SLC12A8: variants seen among roughly 807,000 people sequenced by gnomAD.
The protein encoded by SLC12A8 is solute carrier family 12 member 8.
In SLC12A8, 69 loss-of-function variants were observed where a neutral mutation model predicts 75.6. The observed-to-expected ratio is 0.91, with a 90% confidence interval of 0.75 to 1.11. The LOEUF is 1.11. Ranked by LOEUF, SLC12A8 falls within the 50% of genes most tolerant of loss-of-function variation. The probability of loss-of-function intolerance (pLI) is 0.00; values close to 1 mark genes in which losing one functional copy is unlikely to be tolerated. For missense variants in SLC12A8, 877 were observed against 896.7 expected (o/e 0.98, Z 0.28); for synonymous variants, 365 against 372.8 (o/e 0.98, Z 0.24).
At chr3:125,119,471 C>T (rs1388263396) in intron 7 of SLC12A8, among the ~76,000 whole-genome samples, 1 of 152,234 alleles carries the variant, frequency 6.6e-6, no homozygotes, top group African/African-American at 2.4e-5. Flanking sequence ...CCAAGATGCC[C>T]TGTAACCTTG....
Position 125,135,693 on chromosome 3 carries a change from CAA to C in SLC12A8, c.710_711del (p.Phe237TrpfsTer61). ...CCTGTAGCCGCTGGGAAGAAAACCC[CAA>C]AGACAGTGAAAAAAGATTCCCCCGG... ...YSPGESFFTV[F>X]GVFFPAATGV... On this transcript the variant is annotated frameshift_variant, in exon 6 of 14. Coordinates refer to ENST00000469902, the MANE Select transcript of SLC12A8 (RefSeq NM_024628.6). LOFTEE classifies it high-confidence loss of function. 6.2e-7 allele frequency: 1 copy of C among 1,608,394 alleles called. No individual in the cohort carries two copies. The highest frequency in any genetic ancestry group is 8.5e-7 in the Non-Finnish European group (1 of 1,176,446).
chr3:125,136,135 A>G (rs1354012540), intron 5 of SLC12A8, among the ~76,000 whole-genome samples: 1 of 152,122 alleles, frequency 6.6e-6, no homozygotes, highest in African/African-American at 2.4e-5. Context: ...AAATTAATCG[A>G]TATTTGCAAG....
intron 5 of SLC12A8, among the ~76,000 whole-genome samples, chr3:125,156,522 A>G (rs1178216488): frequency 6.6e-6 from 1 of 152,222 alleles, no homozygotes; most frequent in Non-Finnish European, 1.5e-5. Flanking sequence ...CAAAGTTCTC[A>G]TTGGTTAAAA....
chr3:125,092,059 C>G (rs764750459), intron 11 of SLC12A8, 42 bp downstream of exon 11: 12 of 1,445,086 alleles, frequency 8.3e-6, no homozygotes, highest in Non-Finnish European at 1.2e-5. Flanking sequence ...TCCACCTGAA[C>G]TCTGTCCCAA....
At chr3:125,118,891 G>A (rs947694497) in intron 7 of SLC12A8, 35 bp from the exon 8 acceptor site, 19 of 1,421,680 alleles carry the variant, frequency 1.3e-5, no homozygotes, top group South Asian at 2.3e-5. Context: ...AGCTGCCCCC[G>A]ACTCACCTCA....
intron 6 of SLC12A8, 83 bp from the exon 7 acceptor site, chr3:125,120,769 G>C: frequency 2.0e-6 from 2 of 1,023,058 alleles, no homozygotes; most frequent in South Asian, 1.3e-5. Context: ...CCTCTCCTGC[G>C]GGACCCTCTC....
chr3:125,140,922 A>G (rs1007942092), intron 5 of SLC12A8, among the ~76,000 whole-genome samples: 2 of 151,938 alleles, frequency 1.3e-5, no homozygotes, highest in African/African-American at 4.8e-5. Flanking sequence ...TTGACCTCAG[A>G]AGAGTCTCTT....
chr3:125,165,974 GT>G (rs1198648107), intron 5 of SLC12A8, among the ~76,000 whole-genome samples: 2 of 152,110 alleles, frequency 1.3e-5, no homozygotes, highest in Non-Finnish European at 2.9e-5. Flanking sequence ...TGTCAGAAAG[GT>G]TTTTTTAAAA....
rs199551430 is a variant in SLC12A8 at position 125,107,554 on chromosome 3, C to T, written c.1632G>A (p.Gly544=). 1 of 1,614,170 alleles carries T rather than the reference C, an allele frequency of 6.2e-7. No homozygotes were observed. Among genetic ancestry groups the T allele is most frequent in the African/African-American group, 1.3e-5 (1 of 75,036 alleles). The change falls in exon 10 of 14, where the codon GGG becomes GGA. Residue 544 remains glycine (G), a synonymous_variant. Transcript: ENST00000469902. The part of the protein sequence containing the change: ...CWNKQTSKSE[G]TQPEGTYGEQ... The stretch of plus-strand genomic sequence containing the variant: ...CTCCATATGTTCCCTCAGGCTGAGT[C>T]CCTTCGCTCTTGGAAGTCTGCTTGT...
chr3:125,191,835 AG>A (rs1481341925), intron 2 of SLC12A8, among the ~76,000 whole-genome samples: 2 of 152,214 alleles, frequency 1.3e-5, no homozygotes, highest in African/African-American at 4.8e-5. Flanking sequence ...CTGATGGGCC[AG>A]GGGACCCCTT....
At chr3:125,187,530 A>G (rs1934818800) in intron 3 of SLC12A8, 102 bp from the exon 4 acceptor site, 1 of 1,075,580 alleles carries the variant, frequency 9.3e-7, no homozygotes, top group Non-Finnish European at 1.4e-6. Flanking sequence ...CAGCACTGGA[A>G]TAGGGGCCAG....
At chr3:125,143,385 A>G (rs1263817313) in intron 5 of SLC12A8, among the ~76,000 whole-genome samples, 1 of 152,244 alleles carries the variant, frequency 6.6e-6, no homozygotes, top group Non-Finnish European at 1.5e-5. Flanking sequence ...GGAAGAGGAA[A>G]TAATGATAGG....
At chr3:125,166,539 T>G (rs1387346748) in intron 5 of SLC12A8, among the ~76,000 whole-genome samples, 1 of 152,188 alleles carries the variant, frequency 6.6e-6, no homozygotes, top group African/African-American at 2.4e-5. Context: ...GGCCTCTGCG[T>G]CCGTCTCCCT....
intron 4 of SLC12A8, among the ~76,000 whole-genome samples, chr3:125,178,425 A>G (rs1934584783): frequency 1.3e-5 from 2 of 152,140 alleles, no homozygotes; most frequent in Admixed American, 1.3e-4. Context: ...TATTTTTAAA[A>G]TTATCTAAAA....
At chr3:125,187,569 A>G (rs924820803) in intron 3 of SLC12A8, 141 bp from the exon 4 acceptor site, 6 of 729,256 alleles carry the variant, frequency 8.2e-6, no homozygotes, top group Non-Finnish European at 1.4e-5. Context: ...AGGACAACTA[A>G]AAAGGACAAA....
chr3:125,153,834 C>T (rs1299557883), intron 5 of SLC12A8, among the ~76,000 whole-genome samples: 1 of 152,138 alleles, frequency 6.6e-6, no homozygotes, highest in Non-Finnish European at 1.5e-5. Flanking sequence ...ACGCAGGCAT[C>T]GTGACATAGC....
intron 10 of SLC12A8, among the ~76,000 whole-genome samples, 174 bp downstream of exon 10, chr3:125,107,307 G>C (rs999141843): frequency 6.6e-6 from 1 of 152,202 alleles, no homozygotes; most frequent in African/African-American, 2.4e-5. Flanking sequence ...CTATAACAGA[G>C]TATAATTACA....
intron 13 of SLC12A8, among the ~76,000 whole-genome samples, chr3:125,085,056 G>A (rs1173167519): frequency 6.6e-6 from 1 of 152,204 alleles, no homozygotes; most frequent in Middle Eastern, 3.2e-3. Flanking sequence ...TCCTGCTATA[G>A]AAGTTCAGAT....
chr3:125,172,818 T>G (rs1165310099), intron 5 of SLC12A8, among the ~76,000 whole-genome samples: 1 of 152,364 alleles, frequency 6.6e-6, no homozygotes, highest in Non-Finnish European at 1.5e-5. Flanking sequence ...GTTGTTTATA[T>G]TTAAAGAAAT....
Sources: gnomAD v4.1 joint callset for allele counts (sites outside exome capture counted in the v4.1 genomes callset) on GRCh38, gnomAD v4.1.1 for gene constraint, MANE v1.5 for transcripts, NCBI Gene and HGNC (gene_info 2026-07-23, HGNC 2026-07-21) for gene names.